Variants in LUZP2 observed in about 807,000 individuals in gnomAD.
The protein encoded by LUZP2 is leucine zipper protein 2.
In LUZP2, 52 loss-of-function variants were observed where a neutral mutation model predicts 51.6. The ratio of observed to expected loss-of-function variants is 1.01; its 90% CI spans 0.81 to 1.27. LUZP2 has a LOEUF of 1.27. Among genes scored for constraint, LUZP2 ranks in the 50% most tolerant of loss-of-function variants. The pLI is 0.00. For missense variants in LUZP2, 436 were observed against 395.4 expected (o/e 1.10, Z -0.87); for synonymous variants, 154 against 137.3 (o/e 1.12, Z -0.85).
At chr11:25,029,143 A>G (rs188397752) in intron 9 of LUZP2, among the ~76,000 whole-genome samples, 16 of 152,258 alleles carry the variant, frequency 1.1e-4, no homozygotes, top group Admixed American at 2.0e-4. Context: ...AAGAAAATAG[A>G]AAGAATAAAT....
At chr11:24,929,720 A>G (rs1854389627) in intron 7 of LUZP2, among the ~76,000 whole-genome samples, 1 of 152,114 alleles carries the variant, frequency 6.6e-6, no homozygotes, top group South Asian at 2.1e-4. Flanking sequence ...TGTTCTGTAA[A>G]TATCTGTTAA....
At chr11:24,727,597 A>C (rs1210191485) in intron 1 of LUZP2, among the ~76,000 whole-genome samples, 1 of 152,046 alleles carries the variant, frequency 6.6e-6, no homozygotes, top group Non-Finnish European at 1.5e-5. Flanking sequence ...AGGAGAAACA[A>C]ATTGGGGCAT....
intron 7 of LUZP2, among the ~76,000 whole-genome samples, chr11:24,923,048 C>A (rs1038508740): frequency 6.6e-6 from 1 of 151,662 alleles, no homozygotes; most frequent in Middle Eastern, 3.4e-3. Flanking sequence ...CAGGGTTTCA[C>A]GGTTTTAGCC....
At chr11:24,905,902 C>G in intron 5 of LUZP2, 89 bp from the exon 6 acceptor site, 1 of 869,554 alleles carries the variant, frequency 1.2e-6, no homozygotes, top group Non-Finnish European at 1.8e-6. Context: ...AATTTTTGAA[C>G]AGAACATAAA....
intron 1 of LUZP2, among the ~76,000 whole-genome samples, chr11:24,645,606 T>G (rs2133952836): frequency 6.6e-6 from 1 of 152,258 alleles, no homozygotes; most frequent in Non-Finnish European, 1.5e-5. Context: ...TGTATCCAAT[T>G]TATCTAATTA....
chr11:24,565,398 G>A (rs780171983), intron 1 of LUZP2, among the ~76,000 whole-genome samples: 1 of 152,118 alleles, frequency 6.6e-6, no homozygotes, highest in African/African-American at 2.4e-5. Flanking sequence ...AACATCCTAT[G>A]AGCATATAAG....
chr11:24,998,215 T>C (rs2133937625), intron 9 of LUZP2, among the ~76,000 whole-genome samples: 1 of 152,288 alleles, frequency 6.6e-6, no homozygotes, highest in African/African-American at 2.4e-5. Flanking sequence ...TTGGGCAGTA[T>C]GGCCATTTTC....
chr11:24,544,779 C>T (rs924055580), intron 1 of LUZP2, among the ~76,000 whole-genome samples: 1 of 151,978 alleles, frequency 6.6e-6, no homozygotes, highest in Non-Finnish European at 1.5e-5. Flanking sequence ...TAGAACAATT[C>T]ATATTCCTTT....
intron 9 of LUZP2, among the ~76,000 whole-genome samples, chr11:25,008,428 G>T (rs1481692038): frequency 6.6e-6 from 1 of 152,154 alleles, no homozygotes. Context: ...AATTGAGGGG[G>T]CGTGTTCCAG....
At chr11:24,946,682 G>A (rs1211127044) in intron 7 of LUZP2, among the ~76,000 whole-genome samples, 1 of 151,128 alleles carries the variant, frequency 6.6e-6, no homozygotes, top group African/African-American at 2.4e-5. Context: ...GTTACCTTTT[G>A]TCTTCTAATG....
At chr11:25,013,988 G>A (rs1272692509) in intron 9 of LUZP2, among the ~76,000 whole-genome samples, 1 of 151,966 alleles carries the variant, frequency 6.6e-6, no homozygotes, top group Non-Finnish European at 1.5e-5. Context: ...CTATGAGTGA[G>A]AACATGTGGT....
intron 10 of LUZP2, among the ~76,000 whole-genome samples, chr11:25,068,253 G>A (rs527402568): frequency 2.4e-4 from 37 of 151,866 alleles, no homozygotes; most frequent in South Asian, 2.3e-3. Context: ...ACAATGGCAC[G>A]TGTATACCTA....
intron 1 of LUZP2, among the ~76,000 whole-genome samples, chr11:24,616,501 G>T (rs1236324980): frequency 6.6e-6 from 1 of 151,580 alleles, no homozygotes; most frequent in African/African-American, 2.4e-5. Context: ...GTGTGTGTGT[G>T]TATGTTAATG....
intron 1 of LUZP2, among the ~76,000 whole-genome samples, chr11:24,558,335 G>A (rs1044861974): frequency 6.6e-6 from 1 of 151,532 alleles, no homozygotes; most frequent in Non-Finnish European, 1.5e-5. Flanking sequence ...GATTTTTTCG[G>A]ACTTCATAAT....
Position 24,605,654 on chromosome 11 carries a change from G to T in LUZP2, c.62+108349G>T, listed in dbSNP as rs139259384. ...CAAAATACAACTGTGTATATTCAAG[G>T]TATTTAAAGTGAAATTTTGAATTTT... On this transcript the variant is annotated intron_variant, in intron 1 of 11. Transcript: ENST00000336930. Among the ~76,000 whole-genome samples the T allele has an allele frequency of 2.7e-4, 41 of 151,732 alleles. No homozygotes were observed. The East Asian group carries it at 6.4e-3, about 24-fold the overall frequency.
chr11:24,668,286 G>A (rs776410004), intron 1 of LUZP2, among the ~76,000 whole-genome samples: 2 of 152,178 alleles, frequency 1.3e-5, no homozygotes, highest in African/African-American at 4.8e-5. Flanking sequence ...GGGAATTTAC[G>A]AGTTTCATCG....
intron 1 of LUZP2, among the ~76,000 whole-genome samples, chr11:24,605,833 G>T (rs1853898368): frequency 6.6e-6 from 1 of 151,638 alleles, no homozygotes; most frequent in South Asian, 2.1e-4. Flanking sequence ...AACTTCAATT[G>T]TGTGCCCTTT....
At chr11:24,734,960 G>T (rs1299630336) in intron 3 of LUZP2, among the ~76,000 whole-genome samples, 1 of 151,790 alleles carries the variant, frequency 6.6e-6, no homozygotes, top group African/African-American at 2.4e-5. Flanking sequence ...CTTCTTTTAT[G>T]TGACTCTGAA....
At chr11:24,732,064 T>C in intron 2 of LUZP2, 54 bp from the exon 3 acceptor site, 1 of 1,364,352 alleles carries the variant, frequency 7.3e-7, no homozygotes, top group African/African-American at 1.4e-5. Context: ...AAAGTTAAAG[T>C]GAGTCTCAAT....
Sources: gnomAD v4.1 joint callset for allele counts (sites outside exome capture counted in the v4.1 genomes callset) on GRCh38, gnomAD v4.1.1 for gene constraint, MANE v1.5 for transcripts, NCBI Gene and HGNC (gene_info 2026-07-23, HGNC 2026-07-21) for gene names.